Variants in PRR5L observed in about 807,000 individuals in gnomAD.
PRR5L encodes the protein proline rich 5 like.
A neutral mutation model predicts 36.4 loss-of-function variants in PRR5L; 21 were observed. The ratio of observed to expected loss-of-function variants is 0.58; its 90% CI spans 0.41 to 0.83. PRR5L has a LOEUF of 0.83. PRR5L is among the 40% of genes least tolerant of loss of function. The pLI, the probability that PRR5L is intolerant of heterozygous loss-of-function variation, is 0.00. For synonymous variants in PRR5L, 188 were observed against 197.0 expected, an observed-to-expected ratio of 0.95 and a Z score of 0.38; for missense variants, 381 against 473.3, an observed-to-expected ratio of 0.80 and a Z score of 1.81.
Position 36,401,193 on chromosome 11 carries a change from G to T in PRR5L, c.72G>T (p.Pro24=), listed in dbSNP as rs532779202. ...TGGGCTCCTTCCGCAGGCCTAGACC[G>T]CGCTTCATGAGCTCCCCCGTGCTCA... ...HKMGSFRRPR[P]RFMSSPVLSD... The change falls in exon 2 of 9, where the codon CCG becomes CCT. Residue 24 remains proline, a synonymous_variant. Coordinates refer to ENST00000530639, the MANE Select transcript of PRR5L (RefSeq NM_001160167.2). The T allele has an allele frequency of 6.2e-7, 1 of 1,614,046 alleles. No homozygotes were observed. Among genetic ancestry groups the T allele is most frequent in the Non-Finnish European group, 8.5e-7 (1 of 1,179,998 alleles).
At chr11:36,409,464 C>A (rs1857980662) in intron 3 of PRR5L, among the ~76,000 whole-genome samples, 1 of 152,186 alleles carries the variant, frequency 6.6e-6, no homozygotes, top group African/African-American at 2.4e-5. Context: ...TGTGTTTGAT[C>A]TCTGACAGGT....
chr11:36,444,096 AAC>A (rs146239269), intron 6 of PRR5L, among the ~76,000 whole-genome samples: 5 of 151,986 alleles, frequency 3.3e-5, no homozygotes, highest in South Asian at 2.1e-4. Context: ...ATATGTTTGA[AAC>A]ACACACACAC....
At chr11:36,375,172 G>A (rs1022609670) in intron 1 of PRR5L, among the ~76,000 whole-genome samples, 9 of 151,834 alleles carry the variant, frequency 5.9e-5, no homozygotes, top group African/African-American at 2.2e-4. Flanking sequence ...GGAGGTGGAG[G>A]TTGCAGGGAG....
chr11:36,326,061 C>T (rs1288632391), intron 1 of PRR5L, among the ~76,000 whole-genome samples: 1 of 152,098 alleles, frequency 6.6e-6, no homozygotes, highest in African/African-American at 2.4e-5. Context: ...CTACCAGCAA[C>T]AATGTGTGCC....
chr11:36,342,935 G>A (rs1256864373), intron 1 of PRR5L, among the ~76,000 whole-genome samples: 11 of 152,166 alleles, frequency 7.2e-5, no homozygotes, highest in Admixed American at 7.2e-4. Flanking sequence ...GCTGGGCACT[G>A]GATAGAACTG....
rs142258808 is a variant in PRR5L at position 36,355,325 on chromosome 11, G to A, written c.-125-45672G>A. 7.4e-4 allele frequency among the ~76,000 whole-genome samples: 112 copies of A among 152,258 alleles called. 1 individual carries two copies. The highest frequency in any genetic ancestry group is 2.4e-3 in the African/African-American group (100 of 41,540). ...TGTTCTCCTTGGATTTACAAATATA[G>A]CATCAACAACAACTCACATTTACTG... On this transcript the variant is annotated intron_variant, in intron 1 of 8. Transcript: ENST00000530639.
intron 1 of PRR5L, among the ~76,000 whole-genome samples, chr11:36,351,311 TATATATTTATAA>T (rs1346570589): frequency 3.9e-5 from 3 of 77,884 alleles, no homozygotes; most frequent in East Asian, 1.1e-3. Context: ...TATATATTTA[TATATATTTATAA>T]ATATTTATAT....
intron 1 of PRR5L, among the ~76,000 whole-genome samples, chr11:36,360,707 CA>C (rs1479060503): frequency 6.6e-6 from 1 of 152,164 alleles, no homozygotes; most frequent in African/African-American, 2.4e-5. Context: ...GATATACACC[CA>C]GGGGGAAAAT....
chr11:36,318,099 C>T (rs1856575965), intron 1 of PRR5L, among the ~76,000 whole-genome samples: 1 of 152,140 alleles, frequency 6.6e-6, no homozygotes, highest in African/African-American at 2.4e-5. Flanking sequence ...GTTACAATTG[C>T]CTACAGTAGT....
chr11:36,437,486 AT>A lies in PRR5L; in HGVS notation c.444+12del. 6.6e-7 allele frequency: 1 copy of A among 1,509,448 alleles called. No individual in the cohort carries two copies. Among genetic ancestry groups the A allele is most frequent in the Non-Finnish European group, 9.2e-7 (1 of 1,088,708 alleles). The allele number at this position is 1,509,448 out of a possible 1,614,324, so 93.5% of individuals were successfully genotyped here. A position where few individuals can be genotyped will look rare whatever the true frequency, so the allele number is the denominator to read the frequency against. On this transcript the variant is annotated intron_variant, in intron 6 of 8. Coordinates refer to ENST00000530639, the MANE Select transcript of PRR5L (RefSeq NM_001160167.2). ...ATTTTATCCAGTTCAGGTTAGTCTC[AT>A]TGGGGAACACTTCCTGCCATCCTCA... is the stretch of plus-strand genomic sequence containing the variant.
intron 4 of PRR5L, 96 bp downstream of exon 4, chr11:36,419,399 A>T: frequency 9.3e-7 from 1 of 1,077,772 alleles, no homozygotes. Flanking sequence ...ACATTCCTTC[A>T]ACAGACAAAA....
chr11:36,431,991 A>G (rs969221086), intron 5 of PRR5L, 81 bp downstream of exon 5: 5 of 1,237,506 alleles, frequency 4.0e-6, no homozygotes, highest in Admixed American at 3.4e-5. Context: ...GCTTCTGTCC[A>G]GAAGGGGCAG....
chr11:36,426,807 G>A (rs550526220), intron 4 of PRR5L, among the ~76,000 whole-genome samples: 14 of 152,282 alleles, frequency 9.2e-5, no homozygotes, highest in African/African-American at 2.9e-4. Context: ...ACATTAAAAG[G>A]GACGGTAGCT....
intron 1 of PRR5L, among the ~76,000 whole-genome samples, chr11:36,349,597 G>T (rs938903612): frequency 6.6e-6 from 1 of 152,164 alleles, no homozygotes; most frequent in Admixed American, 6.5e-5. Flanking sequence ...CCCGTCTTTG[G>T]CAGGCAGAAA....
At chr11:36,386,816 G>A (rs904013407) in intron 1 of PRR5L, among the ~76,000 whole-genome samples, 2 of 152,202 alleles carry the variant, frequency 1.3e-5, no homozygotes, top group Non-Finnish European at 2.9e-5. Flanking sequence ...AATTAACTGA[G>A]GGAATAGATG....
chr11:36,435,623 A>C (rs1858589533), intron 5 of PRR5L, among the ~76,000 whole-genome samples: 1 of 152,170 alleles, frequency 6.6e-6, no homozygotes, highest in Non-Finnish European at 1.5e-5. Context: ...TTAGAGCCCA[A>C]AGGCTGACAG....
chr11:36,460,440 C>T (rs1859156219), intron 8 of PRR5L, among the ~76,000 whole-genome samples: 1 of 152,106 alleles, frequency 6.6e-6, no homozygotes, highest in South Asian at 2.1e-4. Flanking sequence ...GCTCCTCCTC[C>T]CTGCCCCGCT....
rs562255163 is a variant in PRR5L, at chr11:36,462,833, A to ATG, written c.*98_*99dup. ...CTGAGGGGGGCTCTTGCTTTATGCG[A>ATG]TGCTGCCTTATTTCCTTTAGGGTAC... is the stretch of plus-strand genomic sequence containing the variant. On this transcript the variant is annotated 3_prime_UTR_variant, in exon 9 of 9. Transcript: ENST00000530639. The ATG allele has an allele frequency of 8.1e-5, 93 of 1,153,320 alleles. No homozygotes were observed. In the South Asian group the frequency reaches 1.5e-3, roughly 18 times the overall value. The allele number at this position is 1,153,320 out of a possible 1,614,324, so 71.4% of individuals were successfully genotyped here.
chr11:36,309,131 G>T (rs1183855590), intron 1 of PRR5L, among the ~76,000 whole-genome samples: 1 of 152,162 alleles, frequency 6.6e-6, no homozygotes, highest in East Asian at 1.9e-4. Context: ...GCAGCTCCTG[G>T]AATAACAAGT....
Sources: allele counts gnomAD v4.1 joint callset (sites outside exome capture counted in the v4.1 genomes callset), GRCh38; gene constraint gnomAD v4.1.1; transcripts MANE v1.5; gene names NCBI Gene and HGNC (gene_info 2026-07-23, HGNC 2026-07-21).